Variants in IRS1 observed in about 807,000 individuals in gnomAD.
The protein encoded by IRS1 is insulin receptor substrate 1.
A neutral mutation model predicts 65.6 loss-of-function variants in IRS1; 34 were observed. That is an observed-to-expected ratio of 0.52 (90% CI 0.39 to 0.69). The LOEUF (loss-of-function observed/expected upper bound fraction) is 0.69, where lower values mean the gene tolerates loss of function less well. Ranked by LOEUF, IRS1 falls within the 30% of genes least tolerant of loss-of-function variation. The pLI is 0.00. For synonymous variants in IRS1, 699 were observed against 683.5 expected (o/e 1.02, Z -0.35); for missense variants, 1,641 against 1,720.2 (o/e 0.95, Z 0.81).
intron 1 of IRS1, among the ~76,000 whole-genome samples, chr2:226,778,042 C>A (rs1279260750): frequency 6.6e-6 from 1 of 151,988 alleles, no homozygotes; most frequent in East Asian, 1.9e-4. Context: ...TTAGAAAATT[C>A]ATTTCCTGTC....
Position 226,751,274 on chromosome 2 carries a change from A to ATTTTTTTTTTTTT in IRS1, c.*22-15037_*22-15025dup, listed in dbSNP as rs35699614. On this transcript the variant is annotated intron_variant, in intron 1 of 1. Transcript: ENST00000305123. ...ATTCCTTAAAAGACTCCACACGGGT[A>ATTTTTTTTTTTTT]TTTTTTTTTTTTTTTTTTTTTTTTT... Among the ~76,000 whole-genome samples, 9 of 77,550 alleles carry ATTTTTTTTTTTTT rather than the reference A, an allele frequency of 1.2e-4. 1 individual carries two copies. The highest frequency in any genetic ancestry group is 8.4e-4 in the East Asian group (2 of 2,388). 50.9% of individuals were successfully genotyped at this position (77,550 alleles called of 152,430 possible). A position where few individuals can be genotyped will look rare whatever the true frequency, so the allele number is the denominator to read the frequency against.
In IRS1 at chr2:226,780,404, T is replaced by TAATTA. The variant is rs527779768; in HGVS notation, c.*21+14580_*21+14584dup. On this transcript the variant is annotated intron_variant, in intron 1 of 1. Coordinates refer to ENST00000305123, the MANE Select transcript of IRS1 (RefSeq NM_005544.3). ...GATATTCCATGTCAAATAAACAAAT[T>TAATTA]AATTAAATTAAATTAAATTAAATTA... Among the ~76,000 whole-genome samples the TAATTA allele has an allele frequency of 5.1e-3, 776 of 152,182 alleles. 8 individuals carry two copies. The highest frequency in any genetic ancestry group is 0.014 in the African/African-American group (563 of 41,514).
rs757182552 is a variant in IRS1 at position 226,795,459 on chromosome 2, C to A, written c.3280G>T (p.Gly1094Trp). The A allele has an allele frequency of 2.5e-6, 4 of 1,613,580 alleles. No homozygotes were observed. The South Asian group carries it at 4.4e-5, about 18-fold the overall frequency. Residue 1094 changes from glycine (G) to tryptophan (W), a missense_variant, in exon 1 of 2, where the codon GGG becomes TGG. Physicochemically the swap from Gly to Trp is radical, Grantham distance 184. Around this residue, in one of 3 missense-constraint regions of IRS1, gnomAD observed 1,324 missense variants for 1,361.0 expected, o/e 0.97. Transcript: ENST00000305123. ...SAKVIRADPQ[G>W]CRRRHSSETF... is the part of the protein sequence containing the mutation. ...TCGGAGCTATGCCTCCGCCGGCACCCTTGTGGGTCTGCACGGATCACTTTG... is the reference window on the plus strand; with the variant it reads ...TCGGAGCTATGCCTCCGCCGGCACCATTGTGGGTCTGCACGGATCACTTTG...
rs764633017 is a variant in IRS1, at chr2:226,795,137, G to T, written c.3602C>A (p.Pro1201His). ...CPQECTPEPQ[P>H]PPPPPPHQPL... ...TTGATGAGGGGGTGGGGGTGGGGGAGGCTGCGGTTCAGGGGTGCACTCCTG... is the reference window on the plus strand; with the variant it reads ...TTGATGAGGGGGTGGGGGTGGGGGATGCTGCGGTTCAGGGGTGCACTCCTG... The change falls in exon 1 of 2, where the codon CCT (proline) becomes CAT (histidine). Residue 1201 changes from proline (P) to histidine (H), a missense_variant. Around this residue, in one of 3 missense-constraint regions of IRS1, gnomAD observed 1,324 missense variants for 1,361.0 expected, o/e 0.97. Transcript: ENST00000305123. 1.4e-6 allele frequency: 2 copies of T among 1,442,266 alleles called. No homozygotes were observed. The highest frequency in any genetic ancestry group is 1.8e-4 in the Middle Eastern group (1 of 5,570). 89.3% of individuals were successfully genotyped at this position (1,442,266 alleles called of 1,614,324 possible).
At chr2:226,752,936 G>A (rs752278357) in intron 1 of IRS1, among the ~76,000 whole-genome samples, 5 of 152,180 alleles carry the variant, frequency 3.3e-5, no homozygotes, top group Non-Finnish European at 7.3e-5. Context: ...TCACTGTGCT[G>A]TTGTGAGGAT....
chr2:226,743,560 A>G (rs1938483446), intron 1 of IRS1, among the ~76,000 whole-genome samples: 1 of 152,200 alleles, frequency 6.6e-6, no homozygotes, highest in African/African-American at 2.4e-5. Flanking sequence ...GAGCTCAACC[A>G]AAATAAACCT....
At chr2:226,744,370 G>A (rs970467016) in intron 1 of IRS1, among the ~76,000 whole-genome samples, 1 of 152,146 alleles carries the variant, frequency 6.6e-6, no homozygotes, top group Non-Finnish European at 1.5e-5. Context: ...TCTTCCCATA[G>A]GTTTTTCTGA....
intron 1 of IRS1, among the ~76,000 whole-genome samples, chr2:226,740,202 A>G (rs1938411418): frequency 6.6e-6 from 1 of 152,214 alleles, no homozygotes; most frequent in Admixed American, 6.5e-5. Context: ...GCAGAAATAC[A>G]ATGCACCTGT....
intron 1 of IRS1, among the ~76,000 whole-genome samples, chr2:226,763,597 G>A (rs1938964627): frequency 6.6e-6 from 1 of 152,160 alleles, no homozygotes; most frequent in Admixed American, 6.5e-5. Context: ...TCCTTGACTA[G>A]CTACATTCCA....
In IRS1 at chr2:226,732,465, C is replaced by T. The variant is rs1349959913; in HGVS notation, c.*3807G>A. ...CTCTCAAGTTTCTCACAAGCCTATA[C>T]ATCTATATATATATATATATATATA... On this transcript the variant is annotated 3_prime_UTR_variant, in exon 2 of 2. Transcript: ENST00000305123. 7.7e-6 allele frequency: 1 copy of T among 130,422 alleles called. No homozygotes were observed. Among genetic ancestry groups the T allele is most frequent in the Non-Finnish European group, 1.5e-5 (1 of 64,614 alleles). 8.1% of individuals were successfully genotyped at this position (130,422 alleles called of 1,614,324 possible).
intron 1 of IRS1, among the ~76,000 whole-genome samples, chr2:226,737,211 T>C (rs1046124037): frequency 4.6e-5 from 7 of 151,396 alleles, no homozygotes; most frequent in Non-Finnish European, 8.8e-5. Context: ...TTTGTTCTTG[T>C]GATAGTTTAC....
At chr2:226,749,795 A>G (rs964086774) in intron 1 of IRS1, among the ~76,000 whole-genome samples, 7 of 152,222 alleles carry the variant, frequency 4.6e-5, no homozygotes, top group Non-Finnish European at 8.8e-5. Context: ...GAGTTATTCC[A>G]GAGTTTAACT....
chr2:226,791,794 C>T (rs1389837138), intron 1 of IRS1, among the ~76,000 whole-genome samples: 3 of 151,954 alleles, frequency 2.0e-5, no homozygotes, highest in Admixed American at 1.3e-4. Flanking sequence ...TGCCCGAGGG[C>T]GGGGCCTCGC....
Position 226,795,683 on chromosome 2 carries a change from A to G in IRS1, c.3056T>C (p.Ile1019Thr), listed in dbSNP as rs140117962. 574 of 1,613,296 alleles carry G rather than the reference A, an allele frequency of 3.6e-4. No individual in the cohort carries two copies. The highest frequency in any genetic ancestry group is 2.9e-3 in the African/African-American group (214 of 75,062). Reference protein sequence around the residue: ...PVSYADMRTGIAAEEVSLPRA... With the variant: ...PVSYADMRTGTAAEEVSLPRA... The stretch of plus-strand genomic sequence containing the variant: ...GGGCAGGCTCACCTCCTCTGCAGCA[A>G]TGCCTGTTCGCATGTCAGCATAGCT... The change falls in exon 1 of 2, where the codon ATT (isoleucine) becomes ACT (threonine). Residue 1019 changes from isoleucine (I) to threonine (T), a missense_variant. Ile to Thr is a moderately conservative substitution (Grantham distance 89). Coordinates refer to ENST00000305123, the MANE Select transcript of IRS1 (RefSeq NM_005544.3).
intron 1 of IRS1, among the ~76,000 whole-genome samples, chr2:226,756,580 G>A (rs73992203): frequency 0.028 from 4,299 of 152,300 alleles, 76 homozygotes; most frequent in Admixed American, 0.045. Context: ...GCTTATTGAT[G>A]CAGAACAATA....
intron 1 of IRS1, among the ~76,000 whole-genome samples, chr2:226,738,373 G>A (rs1030836631): frequency 2.6e-5 from 4 of 152,066 alleles, no homozygotes; most frequent in South Asian, 2.1e-4. Flanking sequence ...CATTCATTAC[G>A]CAATGGTTTT....
intron 1 of IRS1, among the ~76,000 whole-genome samples, chr2:226,742,944 T>A (rs1249663148): frequency 6.6e-6 from 1 of 152,150 alleles, no homozygotes; most frequent in African/African-American, 2.4e-5. Flanking sequence ...ATTAAGGAAA[T>A]CTGAATAAAT....
At position 226,796,921 on chromosome 2, in the gene IRS1, G is replaced by T; in HGVS notation, c.1818C>A (p.Leu606=). The T allele has an allele frequency of 6.5e-7, 1 of 1,546,864 alleles. No individual in the cohort carries two copies. Among genetic ancestry groups the T allele is most frequent in the Admixed American group, 1.9e-5 (1 of 52,678 alleles). The change falls in exon 1 of 2, where the codon CTC becomes CTA. Residue 606 remains leucine, a synonymous_variant. Transcript: ENST00000305123. Reference sequence around the variant, plus strand: ...TGGGCATGTAGCCATCATCCGTGTGGAGGGTGGAGCTGTCTGGGCGGTGGT... The same window carrying T: ...TGGGCATGTAGCCATCATCCGTGTGTAGGGTGGAGCTGTCTGGGCGGTGGT... ...GGHHRPDSST[L]HTDDGYMPMS...
rs1367516420 is a variant in IRS1, at chr2:226,766,151, ATATATATATATATTTTT to A, written c.*21+28821_*21+28837del. ...TATATATATATATATATATATATAT[ATATATATATATATTTTT>A]TTTTTTTTTTTTTGAGACAGGGTCT... On this transcript the variant is annotated intron_variant, in intron 1 of 1. Transcript: ENST00000305123. Among the ~76,000 whole-genome samples the A allele has an allele frequency of 2.4e-3, 10 of 4,100 alleles. 1 individual carries two copies. In the Admixed American group the frequency reaches 0.027, roughly 11 times the overall value. 2.7% of individuals were successfully genotyped at this position (4,100 alleles called of 152,430 possible). A position where few individuals can be genotyped will look rare whatever the true frequency, so the allele number is the denominator to read the frequency against.
Sources: gnomAD v4.1 joint callset for allele counts (sites outside exome capture counted in the v4.1 genomes callset) on GRCh38, gnomAD v4.1.1 for gene constraint, gnomAD v4.1.1 regional missense constraint, MANE v1.5 for transcripts, NCBI Gene and HGNC (gene_info 2026-07-23, HGNC 2026-07-21) for gene names.